Variants in LYPD6 observed in about 807,000 individuals in gnomAD.
The protein encoded by LYPD6 is LY6/PLAUR domain containing 6, also known as ly6/PLAUR domain-containing protein 6.
A neutral mutation model predicts 22.7 loss-of-function variants in LYPD6; 15 were observed. The observed-to-expected ratio is 0.66, with a 90% CI of 0.44 to 1.02. The LOEUF is 1.02. LYPD6 is among the 50% of genes least tolerant of loss of function. LYPD6 has a pLI of 0.00. For synonymous variants in LYPD6, 72 were observed against 77.5 expected, an observed-to-expected ratio of 0.93 and a Z score of 0.37; for missense variants, 189 against 208.4, an observed-to-expected ratio of 0.91 and a Z score of 0.57.
At chr2:149,437,107 A>G (rs1683449175) in intron 1 of LYPD6, among the ~76,000 whole-genome samples, 1 of 152,162 alleles carries the variant, frequency 6.6e-6, no homozygotes, top group Non-Finnish European at 1.5e-5. Flanking sequence ...TGGCCAACAA[A>G]TATTAGTTAC....
chr2:149,414,344 TG>T (rs1304984867), intron 1 of LYPD6, among the ~76,000 whole-genome samples: 2 of 152,246 alleles, frequency 1.3e-5, no homozygotes, highest in African/African-American at 4.8e-5. Flanking sequence ...TCTACAGTTT[TG>T]TAATGACAAA....
chr2:149,379,504 C>G (rs901437528), intron 1 of LYPD6, among the ~76,000 whole-genome samples: 3 of 152,118 alleles, frequency 2.0e-5, no homozygotes, highest in African/African-American at 7.2e-5. Flanking sequence ...GGAAAAAATT[C>G]TGGGTTAGTT....
intron 4 of LYPD6, among the ~76,000 whole-genome samples, chr2:149,469,899 C>G (rs1681291518): frequency 6.6e-6 from 1 of 152,100 alleles, no homozygotes; most frequent in East Asian, 1.9e-4. Flanking sequence ...GACTCAAATC[C>G]CTGCAGGAAA....
intron 1 of LYPD6, among the ~76,000 whole-genome samples, chr2:149,372,527 C>G (rs1168280218): frequency 6.6e-6 from 1 of 152,188 alleles, no homozygotes; most frequent in Admixed American, 6.5e-5. Context: ...TTCATTCTCA[C>G]TTTTAAATTA....
chr2:149,372,418 A>G (rs1241277450), intron 1 of LYPD6, among the ~76,000 whole-genome samples: 2 of 152,196 alleles, frequency 1.3e-5, no homozygotes, highest in African/African-American at 4.8e-5. Flanking sequence ...GATTGGTTCA[A>G]AGCCCATGAG....
rs1559116687 is a variant in LYPD6, at chr2:149,336,930, TGTG to T, written c.-72+6209_-72+6211del. On this transcript the variant is annotated intron_variant, in intron 1 of 4. Transcript: ENST00000334166. ...AAAAGGGCAGCATGTTGAAATAACG[TGTG>T]TGTGTGTGTGTGTGTGTGTGTGTGT... 1.4e-3 allele frequency among the ~76,000 whole-genome samples: 209 copies of T among 150,928 alleles called. 1 individual carries two copies. The highest frequency in any genetic ancestry group is 0.01 in the Middle Eastern group (3 of 292).
In LYPD6 at chr2:149,437,953, G is replaced by A. The variant is rs569794890; in HGVS notation, c.118+127G>A. 2.9e-6 allele frequency: 3 copies of A among 1,047,624 alleles called. No individual in the cohort carries two copies. The South Asian group carries it at 4.6e-5, about 16-fold the overall frequency. The allele number at this position is 1,047,624 out of a possible 1,614,324, so 64.9% of individuals were successfully genotyped here. ...CCCGTGATTTAACTGGGGTGGTGCGGTAATTTACAAAAGATGTTTTATGCT... is the reference window on the plus strand; with the variant it reads ...CCCGTGATTTAACTGGGGTGGTGCGATAATTTACAAAAGATGTTTTATGCT... On this transcript the variant is annotated intron_variant, in intron 2 of 4. Transcript: ENST00000334166.
chr2:149,398,207 G>A (rs1682467011), intron 1 of LYPD6, among the ~76,000 whole-genome samples: 1 of 152,112 alleles, frequency 6.6e-6, no homozygotes, highest in Non-Finnish European at 1.5e-5. Context: ...GCCAACTGAA[G>A]TCTTTTAAAA....
At chr2:149,458,871 TA>T (rs34667470) in intron 3 of LYPD6, among the ~76,000 whole-genome samples, 2 of 151,934 alleles carry the variant, frequency 1.3e-5, no homozygotes, top group African/African-American at 4.8e-5. Context: ...AACAGAGCAA[TA>T]AAAATTATCC....
chr2:149,464,248 G>T (rs950430074), intron 3 of LYPD6: 3 of 309,806 alleles, frequency 9.7e-6, no homozygotes, highest in Admixed American at 5.0e-5. Flanking sequence ...GAGAAGATTA[G>T]CATTGACCTG....
intron 1 of LYPD6, among the ~76,000 whole-genome samples, chr2:149,427,101 C>G (rs1683203005): frequency 6.6e-6 from 1 of 152,146 alleles, no homozygotes; most frequent in East Asian, 1.9e-4. Context: ...AAATGACTAC[C>G]TCTATATAGT....
intron 1 of LYPD6, among the ~76,000 whole-genome samples, chr2:149,376,519 C>G (rs1279554667): frequency 6.6e-6 from 1 of 152,124 alleles, no homozygotes; most frequent in African/African-American, 2.4e-5. Flanking sequence ...ATCTCCTAAT[C>G]TCCCATCTGT....
At chr2:149,358,151 A>C (rs1468589203) in intron 1 of LYPD6, among the ~76,000 whole-genome samples, 3 of 152,204 alleles carry the variant, frequency 2.0e-5, no homozygotes, top group Non-Finnish European at 2.9e-5. Context: ...GTTAATAGTG[A>C]ATAAACAAAA....
intron 1 of LYPD6, among the ~76,000 whole-genome samples, chr2:149,423,931 A>G (rs947602750): frequency 6.6e-6 from 1 of 152,104 alleles, no homozygotes; most frequent in African/African-American, 2.4e-5. Context: ...CCTCTGAGTA[A>G]GCTTGATTTG....
intron 1 of LYPD6, among the ~76,000 whole-genome samples, chr2:149,380,463 A>G (rs534200813): frequency 6.6e-6 from 1 of 152,310 alleles, no homozygotes; most frequent in East Asian, 1.9e-4. Flanking sequence ...AAAGGTTTGC[A>G]TATGGTAAGT....
intron 1 of LYPD6, among the ~76,000 whole-genome samples, chr2:149,425,623 G>T (rs1325020507): frequency 1.3e-5 from 2 of 152,152 alleles, no homozygotes; most frequent in Non-Finnish European, 2.9e-5. Context: ...TGAATGCTAT[G>T]TAAAATCTTA....
At chr2:149,364,994 G>C (rs1681634085) in intron 1 of LYPD6, among the ~76,000 whole-genome samples, 1 of 152,116 alleles carries the variant, frequency 6.6e-6, no homozygotes, top group African/African-American at 2.4e-5. Context: ...ATCTCTTAGT[G>C]GTTTGAATCT....
intron 1 of LYPD6, among the ~76,000 whole-genome samples, chr2:149,397,287 G>A (rs1682448172): frequency 6.6e-6 from 1 of 152,156 alleles, no homozygotes; most frequent in African/African-American, 2.4e-5. Flanking sequence ...GTCATCTGAA[G>A]GTTCAGCTGG....
Position 149,470,697 on chromosome 2 carries a change from T to C in LYPD6, c.363T>C (p.Cys121=). 3.7e-6 allele frequency: 6 copies of C among 1,613,560 alleles called. No individual in the cohort carries two copies. Among genetic ancestry groups the C allele is most frequent in the Non-Finnish European group, 5.1e-6 (6 of 1,179,586 alleles). ...CTTTCTTTCAGGTCTGCACTTCTTGTTGTGAAGGAAATATCTGTAACTTGC... is the reference window on the plus strand; with the variant it reads ...CTTTCTTTCAGGTCTGCACTTCTTGCTGTGAAGGAAATATCTGTAACTTGC... ...EHEGHKVCTS[C]CEGNICNLPL... Residue 121 remains cysteine, a synonymous_variant, in exon 5 of 5, where the codon TGT becomes TGC. Transcript: ENST00000334166.
Sources: gnomAD v4.1 joint callset for allele counts (sites outside exome capture counted in the v4.1 genomes callset) on GRCh38, gnomAD v4.1.1 for gene constraint, MANE v1.5 for transcripts, NCBI Gene and HGNC (gene_info 2026-07-23, HGNC 2026-07-21) for gene names.